Variants in ADARB2 observed in about 807,000 individuals in gnomAD.
ADARB2 encodes the protein adenosine deaminase RNA specific B2 (inactive), also known as inactive double-stranded RNA-specific editase B2.
In ADARB2, 25 loss-of-function variants were observed where a neutral mutation model predicts 62.2. The ratio of observed to expected loss-of-function variants is 0.40; its 90% CI spans 0.29 to 0.56. The LOEUF is 0.56. Among genes scored for constraint, ADARB2 ranks in the 20% least tolerant of loss-of-function variants. The pLI, the probability that ADARB2 is intolerant of heterozygous loss-of-function variation, is 0.43. For synonymous variants in ADARB2, 572 were observed against 500.8 expected, an observed-to-expected ratio of 1.14 and a Z score of -1.90; for missense variants, 1,071 against 1,077.4, an observed-to-expected ratio of 0.99 and a Z score of 0.08.
intron 5 of ADARB2, among the ~76,000 whole-genome samples, chr10:1,235,210 A>T (rs1830854127): frequency 6.9e-6 from 1 of 144,766 alleles, no homozygotes; most frequent in Admixed American, 7.0e-5. Flanking sequence ...TGTGTGATTA[A>T]AAGGAGGAAA....
chr10:1,444,839 C>T (rs1830948919), intron 1 of ADARB2, among the ~76,000 whole-genome samples: 1 of 148,632 alleles, frequency 6.7e-6, no homozygotes, highest in African/African-American at 2.5e-5. Flanking sequence ...CCACCCACCC[C>T]ATCCATCCAT....
intron 1 of ADARB2, among the ~76,000 whole-genome samples, chr10:1,532,727 G>A (rs1392895552): frequency 2.6e-5 from 4 of 152,308 alleles, no homozygotes; most frequent in Non-Finnish European, 4.4e-5. Flanking sequence ...GGATGTGACC[G>A]CTGGCTATGG....
intron 6 of ADARB2, among the ~76,000 whole-genome samples, chr10:1,232,179 A>G (rs1830810532): frequency 2.0e-5 from 3 of 152,052 alleles, no homozygotes; most frequent in Admixed American, 2.0e-4. Context: ...CACACACCGC[A>G]CACACACCGC....
chr10:1,218,256 G>A (rs1830649494), intron 6 of ADARB2, among the ~76,000 whole-genome samples: 1 of 152,038 alleles, frequency 6.6e-6, no homozygotes, highest in Admixed American at 6.6e-5. Context: ...TCGCCATGTT[G>A]GCTAGGCTGG....
intron 8 of ADARB2, among the ~76,000 whole-genome samples, chr10:1,195,476 T>C (rs1476453918): frequency 6.7e-6 from 1 of 149,824 alleles, no homozygotes; most frequent in African/African-American, 2.5e-5. Flanking sequence ...TCTCTCAGAA[T>C]GGCAGAGTTT....
At chr10:1,568,051 C>T (rs1832879882) in intron 1 of ADARB2, among the ~76,000 whole-genome samples, 1 of 152,234 alleles carries the variant, frequency 6.6e-6, no homozygotes, top group Non-Finnish European at 1.5e-5. Context: ...GAAACTTAAA[C>T]AGGTTCACAG....
At chr10:1,479,672 T>C (rs1831443749) in intron 1 of ADARB2, among the ~76,000 whole-genome samples, 1 of 152,200 alleles carries the variant, frequency 6.6e-6, no homozygotes, top group African/African-American at 2.4e-5. Context: ...GGCTCCAACA[T>C]GTAACTGGTT....
At chr10:1,552,890 T>C (rs1033767761) in intron 1 of ADARB2, among the ~76,000 whole-genome samples, 1 of 151,044 alleles carries the variant, frequency 6.6e-6, no homozygotes, top group African/African-American at 2.4e-5. Flanking sequence ...TGTTTTGGTT[T>C]TTACCTCCTG....
rs764084615 is a variant in ADARB2 at position 1,217,126 on chromosome 10, G to A, written c.1514-7C>T. ...AGGTGTTTGCTGCTGTGCACTAGGA[G>A]ATAAAAGGGCGGGGAGGGGTGAGAA... On this transcript the variant is annotated splice_polypyrimidine_tract_variant and splice_region_variant and intron_variant, in intron 6 of 9. Transcript: ENST00000381312. The A allele has an allele frequency of 6.3e-7, 1 of 1,579,662 alleles. No individual in the cohort carries two copies. The highest frequency in any genetic ancestry group is 1.8e-5 in the Admixed American group (1 of 55,798).
chr10:1,388,601 TA>T (rs1197233566), intron 1 of ADARB2, among the ~76,000 whole-genome samples: 1 of 151,920 alleles, frequency 6.6e-6, no homozygotes, highest in East Asian at 1.9e-4. Context: ...ATTAAATTAA[TA>T]AACAATACTG....
At chr10:1,566,205 T>G (rs1832861154) in intron 1 of ADARB2, among the ~76,000 whole-genome samples, 1 of 152,018 alleles carries the variant, frequency 6.6e-6, no homozygotes, top group Admixed American at 6.6e-5. Flanking sequence ...TTCACTGTCA[T>G]GTCACATACC....
Position 1,316,573 on chromosome 10 carries a change from T to C in ADARB2, c.1078-45504A>G, listed in dbSNP as rs115758658. On this transcript the variant is annotated intron_variant, in intron 3 of 9. Coordinates refer to ENST00000381312, the MANE Select transcript of ADARB2 (RefSeq NM_018702.4). ...GTTTTCCTCCTACCCGGAATAGGAT[T>C]GTTTAAAAAATGGTACAACCGTAAA... Among the ~76,000 whole-genome samples the C allele has an allele frequency of 7.0e-3, 1,061 of 152,320 alleles. 12 individuals carry two copies. The highest frequency in any genetic ancestry group is 0.024 in the African/African-American group (992 of 41,574).
At chr10:1,677,487 C>G (rs1834481158) in intron 1 of ADARB2, among the ~76,000 whole-genome samples, 1 of 151,960 alleles carries the variant, frequency 6.6e-6, no homozygotes, top group African/African-American at 2.4e-5. Context: ...TGAAGGGGGT[C>G]CCAGATGAGA....
At chr10:1,590,707 T>C (rs1337444617) in intron 1 of ADARB2, among the ~76,000 whole-genome samples, 2 of 152,164 alleles carry the variant, frequency 1.3e-5, no homozygotes, top group South Asian at 2.1e-4. Flanking sequence ...GTCAAACTCA[T>C]AGAAACAGAG....
intron 7 of ADARB2, among the ~76,000 whole-genome samples, chr10:1,202,044 A>G (rs1485663120): frequency 6.6e-6 from 1 of 152,106 alleles, no homozygotes; most frequent in Non-Finnish European, 1.5e-5. Flanking sequence ...ATCCTGGGAA[A>G]GGAGATTTTT....
Position 1,737,357 on chromosome 10 carries a change from C to A in ADARB2, c.-207G>T. On this transcript the variant is annotated 5_prime_UTR_variant, in exon 1 of 10. In the 5' UTR this introduces an upstream ATG that the reference lacks. Transcript: ENST00000381312. ...GACTTGCTCCCACTGGGCTGGGGGCCTCGGCTGGGCGCCTGGAGCGAGCTG... is the reference window on the plus strand; with the variant it reads ...GACTTGCTCCCACTGGGCTGGGGGCATCGGCTGGGCGCCTGGAGCGAGCTG... The A allele has an allele frequency of 1.8e-6, 1 of 551,884 alleles. No homozygotes were observed. Among genetic ancestry groups the A allele is most frequent in the Non-Finnish European group, 3.2e-6 (1 of 312,540 alleles). The allele number at this position is 551,884 out of a possible 1,614,324, so 34.2% of individuals were successfully genotyped here. A position where few individuals can be genotyped will look rare whatever the true frequency, so the allele number is the denominator to read the frequency against.
intron 1 of ADARB2, among the ~76,000 whole-genome samples, chr10:1,497,656 A>C (rs953768158): frequency 6.6e-6 from 1 of 152,230 alleles, no homozygotes; most frequent in Non-Finnish European, 1.5e-5. Context: ...CACTAATCCT[A>C]AATCTCTTCA....
intron 1 of ADARB2, among the ~76,000 whole-genome samples, chr10:1,588,957 C>A (rs79201308): frequency 1.3e-5 from 2 of 152,130 alleles, no homozygotes; most frequent in South Asian, 2.1e-4. Flanking sequence ...CAGCACAGCA[C>A]CCTCATCCAC....
chr10:1,283,633 T>C (rs1831388556), intron 3 of ADARB2, among the ~76,000 whole-genome samples: 1 of 152,166 alleles, frequency 6.6e-6, no homozygotes, highest in South Asian at 2.1e-4. Context: ...GGAGTGTTGA[T>C]GATCGTGAGA....
Sources: allele counts gnomAD v4.1 joint callset (sites outside exome capture counted in the v4.1 genomes callset), GRCh38; gene constraint gnomAD v4.1.1; transcripts MANE v1.5; gene names NCBI Gene and HGNC (gene_info 2026-07-23, HGNC 2026-07-21).